NIBAN1: variants seen among roughly 807,000 people sequenced by gnomAD.
NIBAN1 encodes niban apoptosis regulator 1.
Under a neutral mutation model 75.1 loss-of-function variants are expected in NIBAN1, and 81 were observed. The ratio of observed to expected loss-of-function variants is 1.08; its 90% CI spans 0.90 to 1.30. The LOEUF is 1.30. Ranked by LOEUF, NIBAN1 falls within the 50% of genes most tolerant of loss-of-function variation. The pLI is 0.00. For missense variants in NIBAN1, 1,133 were observed against 1,128.1 expected, an observed-to-expected ratio of 1.00 and a Z score of -0.06; for synonymous variants, 436 against 424.8, an observed-to-expected ratio of 1.03 and a Z score of -0.32.
Position 184,823,183 on chromosome 1 carries a change from TA to T in NIBAN1, c.968del (p.Leu323Ter). 1 of 1,614,178 alleles carries T rather than the reference TA, an allele frequency of 6.2e-7. No homozygotes were observed. Among genetic ancestry groups the T allele is most frequent in the Non-Finnish European group, 8.5e-7 (1 of 1,180,024 alleles). ...TCTACTGACCTTTGATCTTTCCAAT[TA>T]AATAGTTCTTTGAGTTCACAATCTG... ...MDQIVNSKNY[L>X]IGKIKAMVAQ... On this transcript the variant is annotated frameshift_variant, in exon 8 of 14. Coordinates refer to ENST00000367511, the MANE Select transcript of NIBAN1 (RefSeq NM_052966.4). LOFTEE classifies it high-confidence loss of function.
At chr1:184,818,354 T>C (rs1269906894) in intron 9 of NIBAN1, among the ~76,000 whole-genome samples, 1 of 152,216 alleles carries the variant, frequency 6.6e-6, no homozygotes, top group Non-Finnish European at 1.5e-5. Flanking sequence ...GTGACTAAGT[T>C]TGCCTTTAAT....
chr1:184,809,966 A>G (rs1654328805), intron 9 of NIBAN1, among the ~76,000 whole-genome samples: 1 of 152,146 alleles, frequency 6.6e-6, no homozygotes. Context: ...TATGTGCTAG[A>G]TAAGAATGGG....
intron 1 of NIBAN1, among the ~76,000 whole-genome samples, chr1:184,912,338 G>T (rs1398649354): frequency 6.6e-6 from 1 of 151,994 alleles, no homozygotes; most frequent in Non-Finnish European, 1.5e-5. Context: ...GAATCTCCTG[G>T]TGCATATATA....
At chr1:184,897,328 G>A (rs1023441453) in intron 2 of NIBAN1, among the ~76,000 whole-genome samples, 14 of 150,146 alleles carry the variant, frequency 9.3e-5, no homozygotes, top group African/African-American at 3.4e-4. Flanking sequence ...GGTGGGTGGG[G>A]GTGGCTATTA....
At chr1:184,870,696 C>T (rs975390428) in intron 5 of NIBAN1, among the ~76,000 whole-genome samples, 2 of 152,146 alleles carry the variant, frequency 1.3e-5, no homozygotes, top group African/African-American at 4.8e-5. Flanking sequence ...GCCTTAGTGA[C>T]AGTTAACTTT....
intron 5 of NIBAN1, among the ~76,000 whole-genome samples, chr1:184,853,662 A>T (rs1655601639): frequency 6.6e-6 from 1 of 152,016 alleles, no homozygotes; most frequent in Non-Finnish European, 1.5e-5. Flanking sequence ...CATGCTCCTT[A>T]TCCTTCCCAC....
chr1:184,896,530 T>C (rs145883739), intron 2 of NIBAN1, among the ~76,000 whole-genome samples: 6 of 152,116 alleles, frequency 3.9e-5, no homozygotes, highest in Admixed American at 1.3e-4. Flanking sequence ...TTTTTGTGTA[T>C]AGGCTTTTTA....
intron 5 of NIBAN1, among the ~76,000 whole-genome samples, chr1:184,839,534 T>C: frequency 6.9e-6 from 1 of 145,638 alleles, no homozygotes; most frequent in East Asian, 2.0e-4. Flanking sequence ...TCACCAGTTT[T>C]ACATGCATTC....
chr1:184,835,504 C>G (rs1655114278), intron 5 of NIBAN1, among the ~76,000 whole-genome samples: 1 of 152,142 alleles, frequency 6.6e-6, no homozygotes, highest in African/African-American at 2.4e-5. Context: ...TTGTTTGTGT[C>G]CTCTTTTATT....
intron 12 of NIBAN1, 147 bp downstream of exon 12, chr1:184,803,437 TA>T (rs1418970408): frequency 9.5e-6 from 6 of 632,908 alleles, no homozygotes; most frequent in Non-Finnish European, 1.4e-5. Context: ...CCATGAAGCT[TA>T]AAATATTTAC....
Position 184,808,145 on chromosome 1 carries a change from C to G in NIBAN1, c.1264G>C (p.Asp422His). Reference sequence around the variant, plus strand: ...GGGAATCTGAAGCGGCTCTTGAGATCCTGCAGGCGCTCGTGAAGCAGGTTG... The same window carrying G: ...GGGAATCTGAAGCGGCTCTTGAGATGCTGCAGGCGCTCGTGAAGCAGGTTG... ...KVNLLHERLQ[D>H]LKSRFRFPHI... Residue 422 changes from aspartate (D) to histidine (H), a missense_variant, in exon 10 of 14, where the codon GAT becomes CAT. Physicochemically the swap from Asp to His is moderately conservative, Grantham distance 81. Coordinates refer to ENST00000367511, the MANE Select transcript of NIBAN1 (RefSeq NM_052966.4). The G allele has an allele frequency of 6.2e-7, 1 of 1,614,084 alleles. No homozygotes were observed. Among genetic ancestry groups the G allele is most frequent in the Non-Finnish European group, 8.5e-7 (1 of 1,179,986 alleles).
chr1:184,944,987 T>C (rs780322774), intron 1 of NIBAN1, among the ~76,000 whole-genome samples: 4 of 152,082 alleles, frequency 2.6e-5, no homozygotes, highest in Non-Finnish European at 5.9e-5. Context: ...AAGAATTAAA[T>C]AAGAGGAAAA....
In NIBAN1 at chr1:184,795,237, C is replaced by T. The variant is rs201634086; in HGVS notation, c.2527G>A (p.Gly843Ser). The change falls in exon 14 of 14, where the codon GGC (glycine) becomes AGC (serine). Residue 843 changes from glycine to serine, a missense_variant. By Grantham distance (56) the Gly-to-Ser change is moderately conservative. Transcript: ENST00000367511. ...TEEGDASQQEGCTLGSDPICL... is the reference protein window; with the variant it reads ...TEEGDASQQESCTLGSDPICL... ...ATGGGGTCAGAACCTAAGGTGCAGC[C>T]CTCTTGCTGTGAGGCATCCCCTTCC... is the stretch of plus-strand genomic sequence containing the variant. 6.8e-6 allele frequency: 11 copies of T among 1,613,716 alleles called. No homozygotes were observed. The highest frequency in any genetic ancestry group is 1.6e-4 in the Middle Eastern group (1 of 6,084).
chr1:184,810,401 T>C lies in NIBAN1; in HGVS notation c.1174-2166A>G, dbSNP rs189304107. 2.8e-4 allele frequency among the ~76,000 whole-genome samples: 42 copies of C among 152,338 alleles called. 1 individual carries two copies. The highest frequency in any genetic ancestry group is 8.9e-4 in the African/African-American group (37 of 41,578). On this transcript the variant is annotated intron_variant, in intron 9 of 13. Coordinates refer to ENST00000367511, the MANE Select transcript of NIBAN1 (RefSeq NM_052966.4). ...ATTTGCATTTTTAACAACCAGGTGA[T>C]GATGACACTGCTGGTCTGGGGACCA... is the stretch of plus-strand genomic sequence containing the variant.
intron 5 of NIBAN1, among the ~76,000 whole-genome samples, chr1:184,883,691 G>A (rs531556333): frequency 4.6e-5 from 7 of 152,324 alleles, no homozygotes; most frequent in African/African-American, 1.2e-4. Context: ...CCACTCGGCC[G>A]TGTGCTAGAA....
chr1:184,920,712 C>G (rs996936295), intron 1 of NIBAN1, among the ~76,000 whole-genome samples: 6 of 152,082 alleles, frequency 3.9e-5, no homozygotes, highest in African/African-American at 1.4e-4. Flanking sequence ...AAAGTCGAAG[C>G]AAACAATAAT....
chr1:184,885,870 C>G (rs556862313), intron 4 of NIBAN1, among the ~76,000 whole-genome samples: 2 of 152,252 alleles, frequency 1.3e-5, no homozygotes, highest in African/African-American at 4.8e-5. Context: ...CCAGGAGTGC[C>G]TCTCTCCTGG....
chr1:184,906,057 G>A (rs1484343463), intron 1 of NIBAN1, among the ~76,000 whole-genome samples: 1 of 150,964 alleles, frequency 6.6e-6, no homozygotes, highest in Non-Finnish European at 1.5e-5. Flanking sequence ...GGACAACATA[G>A]AGAGACCTTG....
intron 2 of NIBAN1, among the ~76,000 whole-genome samples, chr1:184,898,634 G>A (rs1395302285): frequency 2.0e-5 from 3 of 152,010 alleles, no homozygotes; most frequent in South Asian, 2.1e-4. Context: ...AATAAGACTC[G>A]CTTTATTTCT....
Sources: gnomAD v4.1 joint callset for allele counts (sites outside exome capture counted in the v4.1 genomes callset) on GRCh38, gnomAD v4.1.1 for gene constraint, MANE v1.5 for transcripts, NCBI Gene and HGNC (gene_info 2026-07-23, HGNC 2026-07-21) for gene names.